The following ZFPM2 variants were observed in gnomAD, a reference collection of about 807,000 sequenced individuals.
ZFPM2 encodes zinc finger protein ZFPM2.
Under a neutral mutation model 98.6 loss-of-function variants are expected in ZFPM2, and 20 were observed. The observed-to-expected ratio is 0.20, with a 90% CI of 0.14 to 0.29. ZFPM2 has a LOEUF of 0.29. Ranked by LOEUF, ZFPM2 falls within the 10% of genes least tolerant of loss-of-function variation. The pLI is 1.00. For missense variants in ZFPM2, 1,310 were observed against 1,388.6 expected, an observed-to-expected ratio of 0.94 and a Z score of 0.90; for synonymous variants, 518 against 502.7, an observed-to-expected ratio of 1.03 and a Z score of -0.41.
intron 3 of ZFPM2, among the ~76,000 whole-genome samples, chr8:105,484,876 A>G (rs1290417911): frequency 6.6e-6 from 1 of 152,192 alleles, no homozygotes; most frequent in Admixed American, 6.5e-5. Context: ...GCTTTGCCCT[A>G]GGAATATTAC....
chr8:105,683,123 A>C (rs1810647264), intron 5 of ZFPM2, among the ~76,000 whole-genome samples: 1 of 151,984 alleles, frequency 6.6e-6, no homozygotes, highest in African/African-American at 2.4e-5. Context: ...TGTCCTCATG[A>C]GTTAATCCCT....
intron 1 of ZFPM2, among the ~76,000 whole-genome samples, chr8:105,413,484 A>ATC (rs1276639474): frequency 2.9e-5 from 2 of 68,852 alleles, no homozygotes; most frequent in Non-Finnish European, 6.4e-5. Flanking sequence ...TTCAAACATT[A>ATC]TATATATATA....
chr8:105,395,067 G>A (rs1811193836), intron 1 of ZFPM2, among the ~76,000 whole-genome samples: 1 of 152,102 alleles, frequency 6.6e-6, no homozygotes. Flanking sequence ...TGTTTCTACT[G>A]GGTCTGGTCC....
chr8:105,716,858 C>A (rs1811535911), intron 5 of ZFPM2, among the ~76,000 whole-genome samples: 1 of 151,948 alleles, frequency 6.6e-6, no homozygotes, highest in Admixed American at 6.6e-5. Context: ...TCATCTCCAC[C>A]AATGCTGAGC....
intron 3 of ZFPM2, among the ~76,000 whole-genome samples, chr8:105,520,492 T>C (rs1022213377): frequency 3.3e-5 from 5 of 152,046 alleles, no homozygotes; most frequent in African/African-American, 1.2e-4. Context: ...AGAGAAAAAA[T>C]ATAATTTAAT....
Position 105,619,779 on chromosome 8 carries a change from G to T in ZFPM2, c.421-14467G>T, listed in dbSNP as rs183409038. On this transcript the variant is annotated intron_variant, in intron 4 of 7. Coordinates refer to ENST00000407775, the MANE Select transcript of ZFPM2 (RefSeq NM_012082.4). ...TCCCACCTATGAGTGAGAACATGCG[G>T]TGTTTGGTTTTCTGTCCTTGCAATA... Among the ~76,000 whole-genome samples, 352 of 152,042 alleles carry T rather than the reference G, an allele frequency of 2.3e-3. 1 individual carries two copies. Among genetic ancestry groups the T allele is most frequent in the African/African-American group, 7.4e-3 (305 of 41,452 alleles).
chr8:105,408,236 G>A (rs1196931772), intron 1 of ZFPM2, among the ~76,000 whole-genome samples: 2 of 151,858 alleles, frequency 1.3e-5, no homozygotes, highest in Admixed American at 1.3e-4. Context: ...TATGTCGAGT[G>A]CCTCTGTGTC....
Position 105,667,324 on chromosome 8 carries a change from A to G in ZFPM2, c.532+32967A>G, listed in dbSNP as rs569038793. Among the ~76,000 whole-genome samples, 12 of 152,338 alleles carry G rather than the reference A, an allele frequency of 7.9e-5. No homozygotes were observed. In the South Asian group the frequency reaches 2.5e-3, roughly 32 times the overall value. Reference sequence around the variant, plus strand: ...GTAGTGAATGTGATCTTTTGGTAGTATATGATGAAATGTACCAACAATGGG... The same window carrying G: ...GTAGTGAATGTGATCTTTTGGTAGTGTATGATGAAATGTACCAACAATGGG... On this transcript the variant is annotated intron_variant, in intron 5 of 7. Coordinates refer to ENST00000407775, the MANE Select transcript of ZFPM2 (RefSeq NM_012082.4).
At chr8:105,586,048 C>A (rs1025651510) in intron 4 of ZFPM2, among the ~76,000 whole-genome samples, 2 of 146,790 alleles carry the variant, frequency 1.4e-5, no homozygotes, top group African/African-American at 5.3e-5. Context: ...TGTATGCACA[C>A]GTGCTTCTAT....
At chr8:105,581,963 A>G (rs1815611597) in intron 4 of ZFPM2, among the ~76,000 whole-genome samples, 1 of 152,174 alleles carries the variant, frequency 6.6e-6, no homozygotes, top group South Asian at 2.1e-4. Context: ...TCCTTCTATT[A>G]TAGTGGGGCC....
At chr8:105,594,000 G>A (rs1249580294) in intron 4 of ZFPM2, among the ~76,000 whole-genome samples, 1 of 152,060 alleles carries the variant, frequency 6.6e-6, no homozygotes. Context: ...ATGCAGCAGG[G>A]CTTCTAGGTA....
chr8:105,730,681 A>T (rs764160915), intron 5 of ZFPM2, among the ~76,000 whole-genome samples: 3 of 151,512 alleles, frequency 2.0e-5, no homozygotes, highest in Non-Finnish European at 4.4e-5. Context: ...GCATATTTTA[A>T]TACACACAGT....
At chr8:105,719,366 T>C (rs185050969) in intron 5 of ZFPM2, among the ~76,000 whole-genome samples, 3 of 151,896 alleles carry the variant, frequency 2.0e-5, no homozygotes, top group Admixed American at 2.0e-4. Flanking sequence ...CACACACACA[T>C]ACAACCACAT....
intron 4 of ZFPM2, among the ~76,000 whole-genome samples, chr8:105,573,618 A>C (rs1258435980): frequency 1.3e-5 from 2 of 152,226 alleles, no homozygotes; most frequent in Non-Finnish European, 2.9e-5. Context: ...ATCTGTGATC[A>C]GTGGCTTCCT....
intron 5 of ZFPM2, among the ~76,000 whole-genome samples, chr8:105,715,258 G>C (rs1811493645): frequency 6.6e-6 from 1 of 151,926 alleles, no homozygotes; most frequent in Non-Finnish European, 1.5e-5. Flanking sequence ...AAATTAGGCA[G>C]ATGTGGTGGT....
At chr8:105,628,960 C>T (rs895226485) in intron 4 of ZFPM2, among the ~76,000 whole-genome samples, 1 of 152,166 alleles carries the variant, frequency 6.6e-6, no homozygotes, top group African/African-American at 2.4e-5. Flanking sequence ...CTGCGGACAG[C>T]AGAGCTAAAA....
chr8:105,803,685 A>C lies in ZFPM2; in HGVS notation c.*147A>C, dbSNP rs568757623. The C allele has an allele frequency of 5.4e-4, 396 of 736,084 alleles. No homozygotes were observed. The highest frequency in any genetic ancestry group is 8.0e-4 in the Non-Finnish European group (365 of 455,316). 45.6% of individuals were successfully genotyped at this position (736,084 alleles called of 1,614,324 possible). A position where few individuals can be genotyped will look rare whatever the true frequency, so the allele number is the denominator to read the frequency against. On this transcript the variant is annotated 3_prime_UTR_variant, in exon 8 of 8. Coordinates refer to ENST00000407775, the MANE Select transcript of ZFPM2 (RefSeq NM_012082.4). Reference sequence around the variant, plus strand: ...AGTTGAAGACTTAAGGTGTAATTTCATTACAGTCCATTAGTAAAGTGTATT... The same window carrying C: ...AGTTGAAGACTTAAGGTGTAATTTCCTTACAGTCCATTAGTAAAGTGTATT...
At chr8:105,673,215 G>T (rs545230294) in intron 5 of ZFPM2, among the ~76,000 whole-genome samples, 3 of 74,952 alleles carry the variant, frequency 4.0e-5, no homozygotes, top group Admixed American at 3.9e-4. Context: ...TTTACCGATC[G>T]TACTTACTTA....
chr8:105,650,854 G>T (rs1010914986), intron 5 of ZFPM2, among the ~76,000 whole-genome samples: 2 of 152,136 alleles, frequency 1.3e-5, no homozygotes, highest in South Asian at 2.1e-4. Flanking sequence ...GTTGATTTGC[G>T]GTGGAGAGTT....
Sources: allele counts gnomAD v4.1 joint callset (sites outside exome capture counted in the v4.1 genomes callset), GRCh38; gene constraint gnomAD v4.1.1; transcripts MANE v1.5; gene names NCBI Gene and HGNC (gene_info 2026-07-23, HGNC 2026-07-21).